SKAP2: variants seen among roughly 807,000 people sequenced by gnomAD.
SKAP2 encodes the protein src kinase associated phosphoprotein 2, also known as src kinase-associated phosphoprotein 2.
A neutral mutation model predicts 54.9 loss-of-function variants in SKAP2; 28 were observed. The observed-to-expected ratio is 0.51, with a 90% CI of 0.38 to 0.70. The LOEUF is 0.70. SKAP2 is among the 30% of genes least tolerant of loss of function. SKAP2 has a pLI of 0.00. For synonymous variants in SKAP2, 137 were observed against 134.3 expected (o/e 1.02, Z -0.14); for missense variants, 356 against 424.1 (o/e 0.84, Z 1.41).
At chr7:26,751,300 G>A (rs1389638026) in intron 4 of SKAP2, among the ~76,000 whole-genome samples, 9 of 152,056 alleles carry the variant, frequency 5.9e-5, no homozygotes, top group Non-Finnish European at 1.3e-4. Context: ...TGACAAATGT[G>A]TAGTTTGAAA....
At chr7:26,810,087 G>T (rs1784110989) in intron 4 of SKAP2, among the ~76,000 whole-genome samples, 1 of 152,148 alleles carries the variant, frequency 6.6e-6, no homozygotes, top group Non-Finnish European at 1.5e-5. Context: ...CGTAATCTCA[G>T]TGTTTTGGAA....
chr7:26,662,727 A>G (rs576795175), downstream of SKAP2, among the ~76,000 whole-genome samples: 149 of 152,278 alleles, frequency 9.8e-4, no homozygotes, highest in Middle Eastern at 6.8e-3. Context: ...AATAACACAC[A>G]TTCACAAGAT....
chr7:26,838,923 C>T (rs1784765819), intron 4 of SKAP2, among the ~76,000 whole-genome samples: 1 of 152,156 alleles, frequency 6.6e-6, no homozygotes, highest in South Asian at 2.1e-4. Context: ...AAAATAGGAA[C>T]TTTATCTTAT....
chr7:26,786,761 C>A (rs944501344), intron 4 of SKAP2, among the ~76,000 whole-genome samples: 1 of 152,188 alleles, frequency 6.6e-6, no homozygotes, highest in South Asian at 2.1e-4. Flanking sequence ...ACATTCTGTA[C>A]AAACTGACAG....
chr7:26,676,142 T>C (rs1162711215), intron 11 of SKAP2, among the ~76,000 whole-genome samples: 3 of 152,190 alleles, frequency 2.0e-5, no homozygotes, highest in Non-Finnish European at 2.9e-5. Flanking sequence ...AGTCTAATTA[T>C]TATACATTTG....
chr7:26,761,812 A>G (rs1782937236), intron 4 of SKAP2, among the ~76,000 whole-genome samples: 1 of 152,214 alleles, frequency 6.6e-6, no homozygotes, highest in Admixed American at 6.5e-5. Flanking sequence ...AGGCACAAGA[A>G]TTGGTTGAAG....
intron 4 of SKAP2, among the ~76,000 whole-genome samples, chr7:26,823,373 CCGAGATCATG>C (rs1398532240): frequency 6.9e-6 from 1 of 144,618 alleles, no homozygotes; most frequent in African/African-American, 2.6e-5. Context: ...TCGCAGTGAG[CCGAGATCATG>C]CCACTGCACT....
At chr7:26,834,166 A>G (rs1784658910) in intron 4 of SKAP2, among the ~76,000 whole-genome samples, 1 of 152,252 alleles carries the variant, frequency 6.6e-6, no homozygotes, top group Admixed American at 6.5e-5. Flanking sequence ...GACACAATGT[A>G]CCAGAATCTC....
At chr7:26,722,774 C>T (rs1787606314) in intron 9 of SKAP2, among the ~76,000 whole-genome samples, 1 of 152,108 alleles carries the variant, frequency 6.6e-6, no homozygotes, top group Admixed American at 6.5e-5. Context: ...AGGTTTATTT[C>T]ATAGTTTTTA....
chr7:26,832,025 T>C (rs1784605975), intron 4 of SKAP2, among the ~76,000 whole-genome samples: 1 of 152,186 alleles, frequency 6.6e-6, no homozygotes, highest in Non-Finnish European at 1.5e-5. Context: ...TTCCATTCTC[T>C]ACTAATTAAA....
chr7:26,851,320 T>C (rs1194058243), intron 3 of SKAP2, among the ~76,000 whole-genome samples: 1 of 150,498 alleles, frequency 6.6e-6, no homozygotes, highest in East Asian at 2.0e-4. Flanking sequence ...CCATCTACTA[T>C]ATAGTTCCAT....
At chr7:26,774,937 C>T (rs567374592) in intron 4 of SKAP2, among the ~76,000 whole-genome samples, 1 of 152,244 alleles carries the variant, frequency 6.6e-6, no homozygotes, top group Non-Finnish European at 1.5e-5. Flanking sequence ...TATCACATCA[C>T]ACATGTTGAT....
chr7:26,744,453 C>T (rs190001722), intron 4 of SKAP2, among the ~76,000 whole-genome samples: 9 of 151,898 alleles, frequency 5.9e-5, no homozygotes, highest in African/African-American at 2.2e-4. Context: ...ATCACAGAAG[C>T]TTCACTCAGA....
chr7:26,733,124 C>T (rs1226104074), intron 6 of SKAP2, among the ~76,000 whole-genome samples: 1 of 150,660 alleles, frequency 6.6e-6, no homozygotes, highest in African/African-American at 2.4e-5. Flanking sequence ...GAGCGAGACC[C>T]CGTCTCAAAA....
intron 1 of SKAP2, among the ~76,000 whole-genome samples, chr7:26,856,679 G>A (rs1785170293): frequency 6.6e-6 from 1 of 152,118 alleles, no homozygotes; most frequent in Non-Finnish European, 1.5e-5. Context: ...ACTTTTGCAA[G>A]AAAGTGGAAT....
At chr7:26,712,378 G>A (rs1787329584) in intron 9 of SKAP2, among the ~76,000 whole-genome samples, 1 of 152,164 alleles carries the variant, frequency 6.6e-6, no homozygotes, top group Admixed American at 6.5e-5. Flanking sequence ...AGAGCTCAGA[G>A]GAGAGAACAT....
chr7:26,736,106 C>A (rs10251817), intron 6 of SKAP2, among the ~76,000 whole-genome samples: 13,719 of 152,158 alleles, frequency 0.09, 687 homozygotes, highest in Middle Eastern at 0.19. Context: ...TAAACCAGAG[C>A]AACTCCGTCT....
intron 4 of SKAP2, among the ~76,000 whole-genome samples, chr7:26,774,095 T>C (rs564471146): frequency 6.6e-6 from 1 of 152,152 alleles, no homozygotes; most frequent in East Asian, 1.9e-4. Flanking sequence ...GGTGGATCAC[T>C]TGAAGTCAGG....
rs572800165 is a variant in SKAP2, at chr7:26,757,591, T to C, written c.308-17627A>G. ...GGTTACTGTAGCCTTGTAGTATAGT[T>C]TGAAGTCAGGTAGCGTGATGCCTCC... On this transcript the variant is annotated intron_variant, in intron 4 of 12. Transcript: ENST00000345317. Among the ~76,000 whole-genome samples the C allele has an allele frequency of 3.5e-3, 530 of 152,288 alleles. 2 individuals are homozygous for C. Among genetic ancestry groups the C allele is most frequent in the African/African-American group, 0.012 (504 of 41,556 alleles).
Sources: allele counts gnomAD v4.1 joint callset (sites outside exome capture counted in the v4.1 genomes callset), GRCh38; gene constraint gnomAD v4.1.1; transcripts MANE v1.5; gene names NCBI Gene and HGNC (gene_info 2026-07-23, HGNC 2026-07-21).